The following WDR49 variants were observed in gnomAD, a reference collection of about 807,000 sequenced individuals.
The protein encoded by WDR49 is WD repeat domain 49.
A neutral mutation model predicts 119.5 loss-of-function variants in WDR49; 107 were observed. That is an observed-to-expected ratio of 0.90 (90% confidence interval 0.77 to 1.05). WDR49 has a LOEUF of 1.05. Ranked by LOEUF, WDR49 falls within the 50% of genes least tolerant of loss-of-function variation. The pLI, the probability that WDR49 is intolerant of heterozygous loss-of-function variation, is 0.00. For synonymous variants in WDR49, 425 were observed against 418.8 expected, an observed-to-expected ratio of 1.01 and a Z score of -0.18; for missense variants, 1,240 against 1,220.5, an observed-to-expected ratio of 1.02 and a Z score of -0.24.
At chr3:167,568,669 T>C (rs1713752278) in intron 8 of WDR49, among the ~76,000 whole-genome samples, 2 of 152,178 alleles carry the variant, frequency 1.3e-5, no homozygotes, top group South Asian at 2.1e-4. Flanking sequence ...TTTCTCTGCT[T>C]CTTGGTAGTA....
Position 167,602,065 on chromosome 3 carries a change from G to T in WDR49, c.1275+62C>A, listed in dbSNP as rs550104392. 5 of 1,502,664 alleles carry T rather than the reference G, an allele frequency of 3.3e-6. No homozygotes were observed. The South Asian group carries it at 5.4e-5, about 16-fold the overall frequency. 93.1% of individuals were successfully genotyped at this position (1,502,664 alleles called of 1,614,324 possible). On this transcript the variant is annotated intron_variant, in intron 7 of 18. Coordinates refer to ENST00000682715, the MANE Select transcript of WDR49 (RefSeq NM_001366157.1). The stretch of plus-strand genomic sequence containing the variant: ...CTCTCAGAGAAATTCAGATCCCAGA[G>T]TTGATTTGGGTAGGAATCGGGGAAG...
At chr3:167,643,393 C>A (rs550468882) in intron 2 of WDR49, among the ~76,000 whole-genome samples, 2 of 152,134 alleles carry the variant, frequency 1.3e-5, no homozygotes, top group South Asian at 4.1e-4. Context: ...TTCTAAGTAA[C>A]TGGCATGAAT....
intron 10 of WDR49, among the ~76,000 whole-genome samples, chr3:167,548,908 G>T (rs1021693119): frequency 2.0e-5 from 3 of 152,102 alleles, no homozygotes; most frequent in African/African-American, 7.2e-5. Context: ...TGTTCTCATT[G>T]TTCAATTCCC....
intron 7 of WDR49, among the ~76,000 whole-genome samples, chr3:167,588,100 C>T (rs1216565683): frequency 6.6e-6 from 1 of 152,066 alleles, no homozygotes; most frequent in African/African-American, 2.4e-5. Flanking sequence ...TCCAACCTCC[C>T]CCACCACTAC....
chr3:167,482,138 A>T (rs1750738677), intron 18 of WDR49, among the ~76,000 whole-genome samples: 1 of 152,208 alleles, frequency 6.6e-6, no homozygotes, highest in Non-Finnish European at 1.5e-5. Context: ...GCAACCACAC[A>T]AAATAATCAA....
intron 18 of WDR49, 103 bp from the exon 19 acceptor site, chr3:167,479,099 A>G: frequency 1.1e-6 from 1 of 911,480 alleles, no homozygotes; most frequent in East Asian, 2.8e-5. Context: ...TTTTCTAAAA[A>G]TCTTTGTTTC....
At chr3:167,480,461 A>C (rs990732169) in intron 18 of WDR49, among the ~76,000 whole-genome samples, 1 of 152,140 alleles carries the variant, frequency 6.6e-6, no homozygotes, top group African/African-American at 2.4e-5. Context: ...TGGCATCTTT[A>C]TATATTTGGA....
intron 5 of WDR49, among the ~76,000 whole-genome samples, chr3:167,608,890 CAACTCTTTCA>C (rs1457537509): frequency 6.6e-6 from 1 of 152,070 alleles, no homozygotes; most frequent in Non-Finnish European, 1.5e-5. Context: ...TGCTAACTTT[CAACTCTTTCA>C]TTCTCTTGCC....
intron 16 of WDR49, among the ~76,000 whole-genome samples, chr3:167,508,582 G>A (rs758819553): frequency 6.6e-5 from 10 of 152,096 alleles, no homozygotes; most frequent in Admixed American, 1.3e-4. Context: ...ACTCAAAGCA[G>A]GGAGTTCTAA....
Position 167,478,807 on chromosome 3 carries a change from C to A in WDR49, c.*71G>T. On this transcript the variant is annotated 3_prime_UTR_variant, in exon 19 of 19. Transcript: ENST00000682715. ...TTTAAATATAAAATAAAATAAAAGG[C>A]AGAATTCTTGATGCTTTTTCTGCAT... The A allele has an allele frequency of 2.8e-6, 3 of 1,069,042 alleles. No homozygotes were observed. The highest frequency in any genetic ancestry group is 2.6e-5 in the Admixed American group (1 of 38,554). 66.2% of individuals were successfully genotyped at this position (1,069,042 alleles called of 1,614,324 possible). A position where few individuals can be genotyped will look rare whatever the true frequency, so the allele number is the denominator to read the frequency against.
chr3:167,538,908 G>A (rs966039985), intron 10 of WDR49, among the ~76,000 whole-genome samples: 4 of 152,058 alleles, frequency 2.6e-5, no homozygotes, highest in Non-Finnish European at 4.4e-5. Context: ...TAGTTTTTTC[G>A]TTTAGTATAT....
chr3:167,595,738 A>G (rs919428400), intron 7 of WDR49, among the ~76,000 whole-genome samples: 25 of 152,262 alleles, frequency 1.6e-4, no homozygotes, highest in African/African-American at 5.3e-4. Flanking sequence ...TTAAAGACTT[A>G]AACGTCAGAC....
At chr3:167,572,335 A>T (rs1713979315) in intron 8 of WDR49, among the ~76,000 whole-genome samples, 1 of 152,226 alleles carries the variant, frequency 6.6e-6, no homozygotes, top group African/African-American at 2.4e-5. Flanking sequence ...AGATAAATAA[A>T]AGTCACGGAA....
At chr3:167,603,959 T>G (rs112703400) in intron 6 of WDR49, among the ~76,000 whole-genome samples, 22 of 152,032 alleles carry the variant, frequency 1.4e-4, no homozygotes, top group African/African-American at 5.1e-4. Flanking sequence ...AATGCATTTG[T>G]TTGGGTGGAG....
intron 2 of WDR49, among the ~76,000 whole-genome samples, chr3:167,628,022 G>C (rs1379484262): frequency 2.0e-5 from 3 of 151,894 alleles, no homozygotes; most frequent in African/African-American, 7.3e-5. Context: ...TCTGTGATCA[G>C]TAACCAATCT....
chr3:167,536,706 C>T (rs200108980), intron 11 of WDR49, among the ~76,000 whole-genome samples, 164 bp downstream of exon 11: 100 of 89,240 alleles, frequency 1.1e-3, no homozygotes, highest in Middle Eastern at 9.6e-3. Context: ...TATATATATA[C>T]ACACACATAT....
chr3:167,555,997 A>G (rs1205761411), intron 9 of WDR49, among the ~76,000 whole-genome samples: 1 of 152,204 alleles, frequency 6.6e-6, no homozygotes, highest in Non-Finnish European at 1.5e-5. Context: ...ACACAATGGT[A>G]AGTATTTGCG....
intron 9 of WDR49, among the ~76,000 whole-genome samples, chr3:167,558,779 C>A (rs1302464153): frequency 1.3e-5 from 2 of 152,128 alleles, no homozygotes; most frequent in Non-Finnish European, 2.9e-5. Flanking sequence ...AGATTCTATA[C>A]CCAGTTACTT....
intron 18 of WDR49, among the ~76,000 whole-genome samples, chr3:167,493,055 C>G (rs1396578047): frequency 6.6e-6 from 1 of 152,114 alleles, no homozygotes; most frequent in Non-Finnish European, 1.5e-5. Context: ...TGATGTTGAG[C>G]TCTGTCACTA....
Sources: allele counts gnomAD v4.1 joint callset (sites outside exome capture counted in the v4.1 genomes callset), GRCh38; gene constraint gnomAD v4.1.1; transcripts MANE v1.5; gene names NCBI Gene and HGNC (gene_info 2026-07-23, HGNC 2026-07-21).